FGF17: variants seen among roughly 807,000 people sequenced by gnomAD.
FGF17 encodes fibroblast growth factor 17.
A neutral mutation model predicts 23.5 loss-of-function variants in FGF17; 5 were observed. The ratio of observed to expected loss-of-function variants is 0.21; its 90% CI spans 0.11 to 0.45. The LOEUF (loss-of-function observed/expected upper bound fraction) is 0.45, where lower values mean the gene tolerates loss of function less well. FGF17 is among the 20% of genes least tolerant of loss of function. The pLI is 0.99. For missense variants in FGF17, 221 were observed against 306.9 expected, an observed-to-expected ratio of 0.72 and a Z score of 2.09; for synonymous variants, 136 against 123.0, an observed-to-expected ratio of 1.11 and a Z score of -0.70.
chr8:22,047,897 C>T (rs1192637547), intron 4 of FGF17, 59 bp from the exon 5 acceptor site: 6 of 1,529,742 alleles, frequency 3.9e-6, no homozygotes, highest in East Asian at 2.3e-5. Flanking sequence ...GCCGTAAGGG[C>T]GACACCCCAG....
intron 2 of FGF17, chr8:22,045,302 G>A (rs1208051000): frequency 2.0e-6 from 2 of 986,206 alleles, no homozygotes. Context: ...CTGCCTGCCA[G>A]GGGCAGCCAT....
chr8:22,042,160 G>A (rs867349219), upstream of FGF17, among the ~76,000 whole-genome samples: 3 of 152,350 alleles, frequency 2.0e-5, no homozygotes, highest in Middle Eastern at 3.4e-3. Context: ...TTCTCCAAGT[G>A]TCTGTCTCAG....
chr8:22,044,284 G>T (rs1028922080), intron 2 of FGF17, among the ~76,000 whole-genome samples: 3 of 151,834 alleles, frequency 2.0e-5, no homozygotes, highest in Admixed American at 2.0e-4. Context: ...CCCCTGGGAG[G>T]GGGGGCCAGC....
At chr8:22,047,297 C>T (rs1319461586) in intron 4 of FGF17, among the ~76,000 whole-genome samples, 1 of 152,104 alleles carries the variant, frequency 6.6e-6, no homozygotes, top group Non-Finnish European at 1.5e-5. Context: ...AGGAACTCCC[C>T]CAAGTTCAGT....
intron 4 of FGF17, 107 bp from the exon 5 acceptor site, chr8:22,047,849 C>G: frequency 8.9e-7 from 1 of 1,119,782 alleles, no homozygotes; most frequent in Non-Finnish European, 1.3e-6. Context: ...CTCACGGCCC[C>G]GTTGTTCCCG....
chr8:22,043,255 C>T, intron 2 of FGF17, 74 bp downstream of exon 2: 1 of 1,466,348 alleles, frequency 6.8e-7, no homozygotes. Context: ...AAGGGACCGG[C>T]TCCTTTCAGG....
upstream of FGF17, chr8:22,042,485 A>C (rs1800754059): frequency 4.4e-6 from 1 of 229,326 alleles, no homozygotes; most frequent in Non-Finnish European, 8.6e-6. Flanking sequence ...GCAGACCTGG[A>C]AGGGCTCCCC....
intron 2 of FGF17, chr8:22,045,238 G>A: frequency 1.0e-6 from 1 of 985,612 alleles, no homozygotes; most frequent in Non-Finnish European, 1.2e-6. Flanking sequence ...AAGCAGGTGG[G>A]CGGGCGCATC....
chr8:22,045,779 C>T (rs1800851286), intron 2 of FGF17: 5 of 1,236,860 alleles, frequency 4.0e-6, no homozygotes, highest in Non-Finnish European at 5.1e-6. Flanking sequence ...GAGCTGTGTG[C>T]CCCGTGCACC....
At chr8:22,045,012 A>T in intron 2 of FGF17, 1 of 985,614 alleles carries the variant, frequency 1.0e-6, no homozygotes. Context: ...CAAAACCAGC[A>T]AAAAAGGTAC....
In FGF17 at chr8:22,046,155, G is replaced by C. The variant is rs1187706280; in HGVS notation, c.114G>C (p.Arg38Ser). 1 of 1,614,174 alleles carries C rather than the reference G, an allele frequency of 6.2e-7. No homozygotes were observed. The highest frequency in any genetic ancestry group is 2.2e-5 in the East Asian group (1 of 44,890). ...CTCCTAATTTTAACCAGTACGTGAG[G>C]GACCAGGGCGCCATGACCGACCAGC... Reference protein sequence around the residue: ...HPSPNFNQYVRDQGAMTDQLS... With the variant: ...HPSPNFNQYVSDQGAMTDQLS... Residue 38 changes from arginine (R) to serine (S), a missense_variant, in exon 3 of 5, where the codon AGG (arginine) becomes AGC (serine). By Grantham distance (110) the Arg-to-Ser change is moderately radical. Coordinates refer to ENST00000359441, the MANE Select transcript of FGF17 (RefSeq NM_003867.4).
intron 4 of FGF17, among the ~76,000 whole-genome samples, chr8:22,047,526 T>C (rs968073923): frequency 1.4e-4 from 22 of 152,234 alleles, no homozygotes; most frequent in African/African-American, 3.9e-4. Flanking sequence ...CACAGACCCC[T>C]GATTGCAGAC....
Position 22,048,231 on chromosome 8 carries a change from G to A in FGF17, c.633G>A (p.Arg211=), listed in dbSNP as rs757123001. The stretch of plus-strand genomic sequence containing the variant: ...CCCGCCGGACCAAGCGCACACGGCG[G>A]CCCCAGCCCCTCACGTAGTCTGGGA... ...APTRRTKRTR[R]PQPLT The change falls in exon 5 of 5, where the codon CGG becomes CGA. Residue 211 remains arginine, a synonymous_variant. Coordinates refer to ENST00000359441, the MANE Select transcript of FGF17 (RefSeq NM_003867.4). This position sits in a 1 kb window ranked among gnomAD's most constrained non-coding sequence, Gnocchi z 6.9. 2 of 1,605,998 alleles carry A rather than the reference G, an allele frequency of 1.2e-6. No homozygotes were observed. Among genetic ancestry groups the A allele is most frequent in the East Asian group, 4.5e-5 (2 of 44,612 alleles).
In FGF17 at chr8:22,047,947, C is replaced by G; in HGVS notation, c.358-9C>G. On this transcript the variant is annotated splice_polypyrimidine_tract_variant and intron_variant, in intron 4 of 4. Transcript: ENST00000359441. ...ACAAATGCCCTTCCTGTCCTTGCTT[C>G]TCCCGCAGCCCAGCGGGAAGAGCAA... The G allele has an allele frequency of 6.3e-7, 1 of 1,595,344 alleles. No homozygotes were observed. The highest frequency in any genetic ancestry group is 2.3e-5 in the East Asian group (1 of 44,340).
chr8:22,040,166 C>T (rs1800717405), upstream of FGF17, among the ~76,000 whole-genome samples: 1 of 152,234 alleles, frequency 6.6e-6, no homozygotes. Context: ...GGGCCCCTGC[C>T]CCCATTCTTG....
chr8:22,040,631 C>T (rs1052777387), upstream of FGF17, among the ~76,000 whole-genome samples: 1 of 152,236 alleles, frequency 6.6e-6, no homozygotes, highest in Non-Finnish European at 1.5e-5. Flanking sequence ...GGCCCTGTCC[C>T]CATGGATAGA....
Position 22,046,125 on chromosome 8 carries a change from C to A in FGF17, c.84C>A (p.His28Gln). The change falls in exon 3 of 5, where the codon CAC becomes CAA. Residue 28 changes from histidine to glutamine, a missense_variant. This residue lies in a region of FGF17 where 35 missense variants were observed against 35.5 expected (regional missense o/e 0.99). Transcript: ENST00000359441. ...ILCCQTQGEN[H>Q]PSPNFNQYVR... ...TGGTAACCGCAAAGGGGGAGAATCA[C>A]CCGTCTCCTAATTTTAACCAGTACG... 6.2e-7 allele frequency: 1 copy of A among 1,614,194 alleles called. No individual in the cohort carries two copies.
In FGF17 at chr8:22,046,150, G is replaced by A. The variant is rs2129671993; in HGVS notation, c.109G>A (p.Val37Met). ...CCCGTCTCCTAATTTTAACCAGTAC[G>A]TGAGGGACCAGGGCGCCATGACCGA... ...NHPSPNFNQY[V>M]RDQGAMTDQL... The change falls in exon 3 of 5, where the codon GTG (valine) becomes ATG (methionine). Residue 37 changes from valine (V) to methionine (M), a missense_variant. Around this residue, in one of 3 missense-constraint regions of FGF17, gnomAD observed 58 missense variants for 121.0 expected, o/e 0.48. Transcript: ENST00000359441. 1.2e-6 allele frequency: 2 copies of A among 1,614,170 alleles called. No individual in the cohort carries two copies. The highest frequency in any genetic ancestry group is 1.7e-6 in the Non-Finnish European group (2 of 1,180,046).
upstream of FGF17, among the ~76,000 whole-genome samples, chr8:22,041,433 C>T (rs1390864519): frequency 6.6e-6 from 1 of 152,142 alleles, no homozygotes; most frequent in African/African-American, 2.4e-5. Flanking sequence ...CCTTCCCACC[C>T]TGGGGGCGCT....
Sources: gnomAD v4.1 joint callset for allele counts (sites outside exome capture counted in the v4.1 genomes callset) on GRCh38, gnomAD v4.1.1 for gene constraint, gnomAD v4.1.1 regional missense constraint, Gnocchi (gnomAD v3.1) non-coding constraint, MANE v1.5 for transcripts, NCBI Gene and HGNC (gene_info 2026-07-23, HGNC 2026-07-21) for gene names.